Variants in PRPF6 observed in about 807,000 individuals in gnomAD.
The protein encoded by PRPF6 is pre-mRNA-processing factor 6.
PRPF6 carries 42 observed loss-of-function variants against 118.3 expected under a neutral mutation model. The ratio of observed to expected loss-of-function variants is 0.35; its 90% CI spans 0.28 to 0.46. PRPF6 has a LOEUF of 0.46. PRPF6 is among the 20% of genes least tolerant of loss of function. The pLI is 1.00. For synonymous variants in PRPF6, 481 were observed against 485.1 expected, an observed-to-expected ratio of 0.99 and a Z score of 0.11; for missense variants, 662 against 1,255.7, an observed-to-expected ratio of 0.53 and a Z score of 7.15.
chr20:64,025,807 G>T, intron 14 of PRPF6, 132 bp from the exon 15 acceptor site: 2 of 1,534,026 alleles, frequency 1.3e-6, no homozygotes, highest in South Asian at 2.2e-5. Flanking sequence ...CCTGGGAAGG[G>T]CTTGGACCAG....
In PRPF6 at chr20:64,014,236, G is replaced by A. The variant is rs114160698; in HGVS notation, c.1525-2487G>A. The stretch of plus-strand genomic sequence containing the variant: ...ATTACAAGCGTGAGCCACCGTGCCT[G>A]TCTAACCTTGTTTTTTTACTTTCTT... On this transcript the variant is annotated intron_variant, in intron 11 of 20. Transcript: ENST00000266079. Among the ~76,000 whole-genome samples, 409 of 152,206 alleles carry A rather than the reference G, an allele frequency of 2.7e-3. 3 individuals are homozygous for A. Among genetic ancestry groups the A allele is most frequent in the African/African-American group, 9.4e-3 (390 of 41,518 alleles).
At chr20:64,030,447 G>T (rs2059309758) in intron 19 of PRPF6, among the ~76,000 whole-genome samples, 1 of 152,140 alleles carries the variant, frequency 6.6e-6, no homozygotes, top group African/African-American at 2.4e-5. Flanking sequence ...CCAGCACTGG[G>T]TGGCAGTGGT....
intron 5 of PRPF6, 66 bp downstream of exon 5, chr20:63,995,158 G>A (rs894205845): frequency 6.2e-7 from 1 of 1,608,552 alleles, no homozygotes; most frequent in Non-Finnish European, 8.5e-7. Flanking sequence ...AGGAATGGTG[G>A]GTGGTGTTGG....
Position 64,032,833 on chromosome 20 carries a change from C to T in PRPF6, c.2674-8C>T, listed in dbSNP as rs1378938492. 5 of 1,603,232 alleles carry T rather than the reference C, an allele frequency of 3.1e-6. No individual in the cohort carries two copies. Among genetic ancestry groups the T allele is most frequent in the East Asian group, 2.3e-5 (1 of 44,260 alleles). ...ACCCCTGCCTGACGTGCCCTGTGGTCCCCCCAGGAGCAGCAGGAGGAGGTG... is the reference window on the plus strand; with the variant it reads ...ACCCCTGCCTGACGTGCCCTGTGGTTCCCCCAGGAGCAGCAGGAGGAGGTG... On this transcript the variant is annotated splice_region_variant and splice_polypyrimidine_tract_variant and intron_variant, in intron 20 of 20. Coordinates refer to ENST00000266079, the MANE Select transcript of PRPF6 (RefSeq NM_012469.4).
intron 1 of PRPF6, 100 bp downstream of exon 1, chr20:63,981,416 A>C: frequency 8.4e-7 from 1 of 1,189,628 alleles, no homozygotes. Context: ...GCGCAGTCTG[A>C]AAGACGCTTG....
intron 9 of PRPF6, among the ~76,000 whole-genome samples, chr20:64,009,039 C>G (rs138430113): frequency 1.3e-5 from 2 of 152,060 alleles, no homozygotes; most frequent in African/African-American, 2.4e-5. Flanking sequence ...AATCCCAGCA[C>G]TTCGGGAGGC....
At chr20:63,982,371 C>T (rs182859925) in intron 1 of PRPF6, among the ~76,000 whole-genome samples, 34 of 151,948 alleles carry the variant, frequency 2.2e-4, no homozygotes, top group Non-Finnish European at 4.9e-4. Context: ...AGGGTTTCAC[C>T]ATGTTGGCCA....
intron 1 of PRPF6, among the ~76,000 whole-genome samples, chr20:63,982,060 T>C (rs1158793882): frequency 1.3e-5 from 2 of 151,922 alleles, no homozygotes; most frequent in Non-Finnish European, 2.9e-5. Context: ...GGGAGTCCAG[T>C]GTGAGTGGAA....
At position 63,995,425 on chromosome 20, in the gene PRPF6, G is replaced by A. The variant is rs757584858; in HGVS notation, c.714G>A (p.Leu238=). 23 of 1,614,058 alleles carry A rather than the reference G, an allele frequency of 1.4e-5. No individual in the cohort carries two copies. Among genetic ancestry groups the A allele is most frequent in the Non-Finnish European group, 1.8e-5 (21 of 1,180,048 alleles). Residue 238 remains leucine (L), a synonymous_variant, in exon 6 of 21, where the codon CTG becomes CTA. Coordinates refer to ENST00000266079, the MANE Select transcript of PRPF6 (RefSeq NM_012469.4). ...TGATGACACCTGGCACAGGTGAGCT[G>A]GACATGAGGAAGATTGGCCAAGCGA... The part of the protein sequence containing the change: ...PGLMTPGTGE[L]DMRKIGQARN...
chr20:64,031,853 TC>T, intron 19 of PRPF6, 64 bp from the exon 20 acceptor site: 1 of 1,611,576 alleles, frequency 6.2e-7, no homozygotes. Flanking sequence ...CTGAAGCCGT[TC>T]CCCTGCCCCA....
intron 8 of PRPF6, among the ~76,000 whole-genome samples, chr20:64,000,596 T>G (rs1194010640): frequency 6.6e-6 from 1 of 150,532 alleles, no homozygotes; most frequent in Non-Finnish European, 1.5e-5. Context: ...TTTTTTTGAG[T>G]CTCGCTCTGT....
chr20:64,024,558 G>A lies in PRPF6; in HGVS notation c.1773G>A (p.Glu591=). ...ACCGTGGCCTCTTATCTTGCAGGGAGTCCCTGGAAGCACTCCTGCAGAGGG... is the reference window on the plus strand; with the variant it reads ...ACCGTGGCCTCTTATCTTGCAGGGAATCCCTGGAAGCACTCCTGCAGAGGG... The part of the protein sequence containing the change: ...AYFEKNHGTR[E]SLEALLQRAV... Residue 591 remains glutamate, a synonymous_variant, in exon 14 of 21, where the codon GAG becomes GAA. Coordinates refer to ENST00000266079, the MANE Select transcript of PRPF6 (RefSeq NM_012469.4). 1.2e-6 allele frequency: 2 copies of A among 1,613,430 alleles called. No homozygotes were observed. The highest frequency in any genetic ancestry group is 2.7e-5 in the African/African-American group (2 of 75,064).
chr20:64,029,562 C>A lies in PRPF6; in HGVS notation c.2546+71C>A. 1 of 1,312,774 alleles carries A rather than the reference C, an allele frequency of 7.6e-7. No homozygotes were observed. Among genetic ancestry groups the A allele is most frequent in the Non-Finnish European group, 1.1e-6 (1 of 910,954 alleles). The allele number at this position is 1,312,774 out of a possible 1,614,324, so 81.3% of individuals were successfully genotyped here. Reference sequence around the variant, plus strand: ...GGCTCTTTTTCCAGAGTCTGTCTGCCTCTTCCTGGTCATTGTAAAGATGCC... The same window carrying A: ...GGCTCTTTTTCCAGAGTCTGTCTGCATCTTCCTGGTCATTGTAAAGATGCC... On this transcript the variant is annotated intron_variant, in intron 19 of 20. Coordinates refer to ENST00000266079, the MANE Select transcript of PRPF6 (RefSeq NM_012469.4). This position sits in a 1 kb window ranked among gnomAD's most constrained non-coding sequence, Gnocchi z 4.8.
At position 64,032,970 on chromosome 20, in the gene PRPF6, G is replaced by A. The variant is rs1337177556; in HGVS notation, c.2803G>A (p.Gly935Ser). 11 of 1,613,322 alleles carry A rather than the reference G, an allele frequency of 6.8e-6. No homozygotes were observed. Among genetic ancestry groups the A allele is most frequent in the South Asian group, 1.1e-5 (1 of 91,074 alleles). The stretch of plus-strand genomic sequence containing the variant: ...CGGGGACATCCTTAGGCTGGTGGCC[G>A]GCCGCATCAAGAACACCTTCTGATT... ...KIGDILRLVAGRIKNTF is the reference protein window; with the variant it reads ...KIGDILRLVASRIKNTF The change falls in exon 21 of 21, where the codon GGC becomes AGC. Residue 935 changes from glycine to serine, a missense_variant. Gly to Ser is a moderately conservative substitution (Grantham distance 56). Around this residue, in one of 10 missense-constraint regions of PRPF6, gnomAD observed 244 missense variants for 383.7 expected, o/e 0.64. Transcript: ENST00000266079.
At chr20:64,005,580 A>G (rs1467094293) in intron 9 of PRPF6, among the ~76,000 whole-genome samples, 3 of 151,962 alleles carry the variant, frequency 2.0e-5, no homozygotes, top group Non-Finnish European at 4.4e-5. Flanking sequence ...GAGTAACCCA[A>G]ATCTTTTTTT....
intron 9 of PRPF6, among the ~76,000 whole-genome samples, chr20:64,009,481 G>A (rs1216547006): frequency 6.6e-6 from 1 of 152,172 alleles, no homozygotes; most frequent in Admixed American, 6.5e-5. Flanking sequence ...CCAGCACTTT[G>A]GGAAGCCGAA....
In PRPF6 at chr20:63,996,044, G is replaced by A. The variant is rs371953385; in HGVS notation, c.771+562G>A. The stretch of plus-strand genomic sequence containing the variant: ...ATTGTCTTGTGGCCCTGCATGGAAC[G>A]TGTACTTTGATCTGGAGACTAGGTG... On this transcript the variant is annotated intron_variant, in intron 6 of 20. Coordinates refer to ENST00000266079, the MANE Select transcript of PRPF6 (RefSeq NM_012469.4). 2.3e-3 allele frequency among the ~76,000 whole-genome samples: 353 copies of A among 152,176 alleles called. 13 individuals carry two copies. In the South Asian group the frequency reaches 0.058, roughly 25 times the overall value.
At position 64,011,549 on chromosome 20, in the gene PRPF6, T is replaced by A; in HGVS notation, c.1524+46T>A. On this transcript the variant is annotated intron_variant, in intron 11 of 20. Transcript: ENST00000266079. This position sits in a 1 kb window ranked among gnomAD's most constrained non-coding sequence, Gnocchi z 6.7. ...GTGGTGTCTGCTTTAACAGTGCACA[T>A]GCAGCACGTGAGAGTCCCACGCAGG... 1 of 1,561,040 alleles carries A rather than the reference T, an allele frequency of 6.4e-7. No homozygotes were observed. Among genetic ancestry groups the A allele is most frequent in the Non-Finnish European group, 8.7e-7 (1 of 1,149,566 alleles).
At chr20:64,006,829 G>A (rs2059192106) in intron 9 of PRPF6, among the ~76,000 whole-genome samples, 1 of 152,226 alleles carries the variant, frequency 6.6e-6, no homozygotes, top group African/African-American at 2.4e-5. Flanking sequence ...CCAGGCCATG[G>A]CTCTGAGTGA....
Sources: allele counts gnomAD v4.1 joint callset (sites outside exome capture counted in the v4.1 genomes callset), GRCh38; gene constraint gnomAD v4.1.1; regional missense constraint gnomAD v4.1.1; non-coding constraint Gnocchi (gnomAD v3.1); transcripts MANE v1.5; gene names NCBI Gene and HGNC (gene_info 2026-07-23, HGNC 2026-07-21).